PDE9A: variants seen among roughly 807,000 people sequenced by gnomAD.
PDE9A encodes phosphodiesterase 9A.
PDE9A carries 60 observed loss-of-function variants against 87.4 expected under a neutral mutation model. That is an observed-to-expected ratio of 0.69 (90% CI 0.56 to 0.85). The LOEUF (loss-of-function observed/expected upper bound fraction) is 0.85. Among genes scored for constraint, PDE9A ranks in the 40% least tolerant of loss-of-function variants. The pLI is 0.00. For synonymous variants in PDE9A, 272 were observed against 279.4 expected (o/e 0.97, Z 0.27); for missense variants, 665 against 779.0 (o/e 0.85, Z 1.74).
At chr21:42,665,935 G>T (rs943115336) in intron 1 of PDE9A, among the ~76,000 whole-genome samples, 1 of 152,230 alleles carries the variant, frequency 6.6e-6, no homozygotes, top group Admixed American at 6.5e-5. Context: ...GCGCCATGAG[G>T]CCCCGTTGAA....
In PDE9A at chr21:42,705,280, G is replaced by A. The variant is rs2048727286; in HGVS notation, c.262+6269G>A. 6.6e-6 allele frequency among the ~76,000 whole-genome samples: 1 copy of A among 152,216 alleles called. No homozygotes were observed. The highest frequency in any genetic ancestry group is 1.5e-5 in the Non-Finnish European group (1 of 68,038). On this transcript the variant is annotated intron_variant, in intron 4 of 19. Coordinates refer to ENST00000291539, the MANE Select transcript of PDE9A (RefSeq NM_002606.3). This position sits in a 1 kb window ranked among gnomAD's most constrained non-coding sequence, Gnocchi z 4.3. ...CAAAAACCACGACACAGGCTTCTCA[G>A]CATCTTTTTATAACGATAGTGCTGA...
intron 14 of PDE9A, among the ~76,000 whole-genome samples, chr21:42,763,947 G>A (rs1333669894): frequency 6.6e-6 from 1 of 152,224 alleles, no homozygotes; most frequent in Non-Finnish European, 1.5e-5. Context: ...CCTGGGACGG[G>A]GCCCTGAGGC....
chr21:42,735,580 C>G (rs563834056), intron 7 of PDE9A, among the ~76,000 whole-genome samples: 1 of 152,298 alleles, frequency 6.6e-6, no homozygotes, highest in African/African-American at 2.4e-5. Context: ...CTTACCGTTC[C>G]TGAGCTTGGA....
In PDE9A at chr21:42,740,665, AATGG is replaced by A. The variant is rs1485977998; in HGVS notation, c.569-3100_569-3097del. 7.3e-5 allele frequency among the ~76,000 whole-genome samples: 11 copies of A among 150,958 alleles called. No individual in the cohort carries two copies. The East Asian group carries it at 7.8e-4, about 11-fold the overall frequency. On this transcript the variant is annotated intron_variant, in intron 7 of 19. Transcript: ENST00000291539. ...TGAATGGATGGATAGATAGTATATA[AATGG>A]ATGGATGGATAGATACACAGTAGGT...
chr21:42,700,524 TGG>T (rs2048300962), intron 4 of PDE9A, among the ~76,000 whole-genome samples: 1 of 152,088 alleles, frequency 6.6e-6, no homozygotes, highest in South Asian at 2.1e-4. Context: ...CTGGGTGTGG[TGG>T]GTTTTGGAAG....
chr21:42,694,372 G>A lies in PDE9A; in HGVS notation c.219-4596G>A, dbSNP rs548443777. On this transcript the variant is annotated intron_variant, in intron 3 of 19. Transcript: ENST00000291539. This position sits in a 1 kb window ranked among gnomAD's most constrained non-coding sequence, Gnocchi z 5.3. The stretch of plus-strand genomic sequence containing the variant: ...GCTGGCAGCTGGTTGCATCTGGCAT[G>A]CTTGGATTCCTGCAGGTGGCTGGTT... Among the ~76,000 whole-genome samples, 13 of 152,278 alleles carry A rather than the reference G, an allele frequency of 8.5e-5. No individual in the cohort carries two copies. The highest frequency in any genetic ancestry group is 3.1e-4 in the African/African-American group (13 of 41,550).
chr21:42,692,857 G>A lies in PDE9A; in HGVS notation c.218+4863G>A, dbSNP rs60982712. Among the ~76,000 whole-genome samples the A allele has an allele frequency of 6.2e-3, 947 of 152,258 alleles. 9 individuals carry two copies. Among genetic ancestry groups the A allele is most frequent in the African/African-American group, 0.021 (853 of 41,554 alleles). ...CAGAGATGTGCTTCGGGGCCCGCAC[G>A]CCTTGCTCCTCGCACTCTTCCTGCA... On this transcript the variant is annotated intron_variant, in intron 3 of 19. Transcript: ENST00000291539. This position sits in a 1 kb window ranked among gnomAD's most constrained non-coding sequence, Gnocchi z 4.3.
At chr21:42,686,132 T>C (rs960094303) in intron 1 of PDE9A, 60 bp from the exon 2 acceptor site, 3 of 1,293,194 alleles carry the variant, frequency 2.3e-6, no homozygotes, top group Non-Finnish European at 2.3e-6. Flanking sequence ...ACGTGGCGTC[T>C]GACGTCTCCA....
At chr21:42,716,958 G>A (rs1239518212) in intron 4 of PDE9A, among the ~76,000 whole-genome samples, 3 of 150,776 alleles carry the variant, frequency 2.0e-5, no homozygotes, top group African/African-American at 4.9e-5. Flanking sequence ...CATCATCTTG[G>A]TCAGACTGGT....
intron 4 of PDE9A, among the ~76,000 whole-genome samples, chr21:42,716,515 G>T (rs7280645): frequency 0.67 from 100,694 of 151,270 alleles, 34,973 homozygotes; most frequent in East Asian, 0.94. Flanking sequence ...ATGCCTGCTT[G>T]CCATCTGCAT....
At chr21:42,730,859 G>T (rs1226010762) in intron 4 of PDE9A, among the ~76,000 whole-genome samples, 1 of 152,182 alleles carries the variant, frequency 6.6e-6, no homozygotes, top group Non-Finnish European at 1.5e-5. Flanking sequence ...CCTAGAAATG[G>T]GACCCTGGGT....
At position 42,660,662 on chromosome 21, in the gene PDE9A, A is replaced by T. The variant is rs1010363810; in HGVS notation, c.69+6779A>T. The stretch of plus-strand genomic sequence containing the variant: ...AAAAGATTAAAATGGTTAAAAATAG[A>T]AAGTGCACAAGCAAGGGTCCATCTG... On this transcript the variant is annotated intron_variant, in intron 1 of 19. Transcript: ENST00000291539. The surrounding 1 kb of genome is among the most constrained non-coding windows in gnomAD (Gnocchi z 4.7). Among the ~76,000 whole-genome samples the T allele has an allele frequency of 2.7e-5, 4 of 150,734 alleles. No homozygotes were observed. The highest frequency in any genetic ancestry group is 5.9e-5 in the Non-Finnish European group (4 of 68,024).
At chr21:42,751,788 C>G (rs2054464447) in intron 9 of PDE9A, among the ~76,000 whole-genome samples, 1 of 142,682 alleles carries the variant, frequency 7.0e-6, no homozygotes, top group South Asian at 2.3e-4. Flanking sequence ...CTCTTGTTGC[C>G]CAGGCTGGAG....
In PDE9A at chr21:42,772,584, GAA is replaced by G. The variant is rs1340626587; in HGVS notation, c.1768+66_1768+67del. The G allele has an allele frequency of 7.9e-6, 9 of 1,135,976 alleles. No homozygotes were observed. The Admixed American group carries it at 1.8e-4, about 23-fold the overall frequency. The allele number at this position is 1,135,976 out of a possible 1,614,324, so 70.4% of individuals were successfully genotyped here. ...CAATGATTCTGACAAAGGACAGAAG[GAA>G]AGAGGAAGGGGAGAAAATCTGAATT... On this transcript the variant is annotated intron_variant, in intron 19 of 19. Coordinates refer to ENST00000291539, the MANE Select transcript of PDE9A (RefSeq NM_002606.3).
intron 1 of PDE9A, among the ~76,000 whole-genome samples, chr21:42,655,893 G>A (rs549070187): frequency 6.4e-5 from 9 of 141,648 alleles, no homozygotes; most frequent in East Asian, 2.3e-4. Flanking sequence ...TGTGAACCCC[G>A]TTGGAAGCTC....
chr21:42,665,791 T>C (rs2057925506), intron 1 of PDE9A, among the ~76,000 whole-genome samples: 1 of 152,182 alleles, frequency 6.6e-6, no homozygotes, highest in South Asian at 2.1e-4. Context: ...CAGTAACAGT[T>C]GTTGAATAAT....
chr21:42,719,626 TGA>T (rs1456569486), intron 4 of PDE9A, among the ~76,000 whole-genome samples: 3 of 129,310 alleles, frequency 2.3e-5, no homozygotes, highest in Admixed American at 1.7e-4. Flanking sequence ...GGTGACAGAG[TGA>T]GAGTCTGTCT....
At chr21:42,728,695 A>G (rs2051397937) in intron 4 of PDE9A, among the ~76,000 whole-genome samples, 1 of 152,102 alleles carries the variant, frequency 6.6e-6, no homozygotes, top group South Asian at 2.1e-4. Flanking sequence ...TCAGGGTAAT[A>G]CCAACTTCAT....
Position 42,743,718 on chromosome 21 carries a change from A to G in PDE9A, c.569-58A>G, listed in dbSNP as rs117091051. ...AGGGAGCCCTTAGTTACCAGCCTTG[A>G]GAGATCCTCCACATTCGTCCGTGGT... On this transcript the variant is annotated intron_variant, in intron 7 of 19. Coordinates refer to ENST00000291539, the MANE Select transcript of PDE9A (RefSeq NM_002606.3). The G allele has an allele frequency of 1.3e-5, 15 of 1,121,718 alleles. No individual in the cohort carries two copies. The East Asian group carries it at 3.6e-4, about 27-fold the overall frequency. The allele number at this position is 1,121,718 out of a possible 1,614,324, so 69.5% of individuals were successfully genotyped here.
Sources: allele counts gnomAD v4.1 joint callset (sites outside exome capture counted in the v4.1 genomes callset), GRCh38; gene constraint gnomAD v4.1.1; non-coding constraint Gnocchi (gnomAD v3.1); transcripts MANE v1.5; gene names NCBI Gene and HGNC (gene_info 2026-07-23, HGNC 2026-07-21).